TRIM2: variants seen among roughly 807,000 people sequenced by gnomAD.
TRIM2 encodes the protein tripartite motif containing 2, also known as tripartite motif-containing protein 2.
In TRIM2, 20 loss-of-function variants were observed where a neutral mutation model predicts 75.2. The ratio of observed to expected loss-of-function variants is 0.27; its 90% CI spans 0.19 to 0.39. TRIM2 has a LOEUF of 0.39. Ranked by LOEUF, TRIM2 falls within the 10% of genes least tolerant of loss-of-function variation. The pLI, the probability that TRIM2 is intolerant of heterozygous loss-of-function variation, is 1.00. For missense variants in TRIM2, 660 were observed against 990.8 expected (o/e 0.67, Z 4.48); for synonymous variants, 373 against 388.3 (o/e 0.96, Z 0.46).
intron 1 of TRIM2, among the ~76,000 whole-genome samples, chr4:153,247,847 G>A (rs1312846130): frequency 1.3e-5 from 2 of 151,960 alleles, no homozygotes; most frequent in Admixed American, 6.6e-5. Flanking sequence ...AATGCTTACT[G>A]AATCCTTAAA....
chr4:153,217,802 G>T (rs2149737290), intron 1 of TRIM2, among the ~76,000 whole-genome samples: 1 of 152,292 alleles, frequency 6.6e-6, no homozygotes, highest in East Asian at 1.9e-4. Flanking sequence ...CACAGTCATA[G>T]CCACAGGGGA....
chr4:153,254,044 C>A (rs751253849), intron 1 of TRIM2, among the ~76,000 whole-genome samples: 3 of 152,088 alleles, frequency 2.0e-5, no homozygotes, highest in Non-Finnish European at 4.4e-5. Context: ...GGATCGGGAC[C>A]GCTTTCCAGT....
At chr4:153,218,601 C>T (rs1034559748) in intron 1 of TRIM2, among the ~76,000 whole-genome samples, 2 of 152,116 alleles carry the variant, frequency 1.3e-5, no homozygotes, top group African/African-American at 4.8e-5. Flanking sequence ...ACATCCTTTC[C>T]ATCTTTTAGG....
At chr4:153,321,517 CT>C (rs997877950) in intron 8 of TRIM2, among the ~76,000 whole-genome samples, 4 of 152,160 alleles carry the variant, frequency 2.6e-5, no homozygotes, top group Admixed American at 1.3e-4. Flanking sequence ...AAATCAAATG[CT>C]TTTCCCCTAT....
chr4:153,155,612 G>A (rs75872464), intron 1 of TRIM2, among the ~76,000 whole-genome samples: 5,416 of 152,164 alleles, frequency 0.036, 139 homozygotes, highest in Middle Eastern at 0.062. Context: ...ACAAAATGGC[G>A]AAAAAGTAAA....
intron 1 of TRIM2, among the ~76,000 whole-genome samples, chr4:153,170,378 A>G (rs184430886): frequency 1.0e-3 from 154 of 152,252 alleles, no homozygotes; most frequent in African/African-American, 3.3e-3. Flanking sequence ...AACACTAGGA[A>G]TGGCATGTTT....
intron 1 of TRIM2, among the ~76,000 whole-genome samples, chr4:153,221,961 AGGGAGGAAGGG>A (rs1740417842): frequency 5.0e-5 from 1 of 19,870 alleles, no homozygotes; most frequent in Non-Finnish European, 7.7e-5. Flanking sequence ...GGAAGGAAAG[AGGGAGGAAGGG>A]AGGAAGGAAG....
intron 3 of TRIM2, among the ~76,000 whole-genome samples, chr4:153,286,042 A>G (rs28778274): frequency 0.18 from 27,591 of 152,032 alleles, 3,175 homozygotes; most frequent in African/African-American, 0.33. Flanking sequence ...TGGCATGAAA[A>G]GATATTGGAT....
intron 1 of TRIM2, chr4:153,222,916 C>A: frequency 6.6e-6 from 1 of 152,580 alleles, no homozygotes; most frequent in Non-Finnish European, 1.5e-5. Context: ...TGCCCGCTGC[C>A]TGATGTCGTG....
intron 1 of TRIM2, among the ~76,000 whole-genome samples, chr4:153,244,008 T>C (rs1171461281): frequency 6.6e-6 from 1 of 151,708 alleles, no homozygotes; most frequent in Non-Finnish European, 1.5e-5. Context: ...TTTGTAGAAA[T>C]GGGGTCTCCC....
chr4:153,309,042 T>C (rs972367684), intron 6 of TRIM2, among the ~76,000 whole-genome samples: 2 of 152,210 alleles, frequency 1.3e-5, no homozygotes, highest in African/African-American at 4.8e-5. Flanking sequence ...TATGCTGTGT[T>C]ATAGGGTGCA....
At chr4:153,309,057 T>C (rs1303211744) in intron 6 of TRIM2, among the ~76,000 whole-genome samples, 1 of 152,216 alleles carries the variant, frequency 6.6e-6, no homozygotes, top group Non-Finnish European at 1.5e-5. Flanking sequence ...GGTGCAATGG[T>C]GTACAGGACA....
At chr4:153,204,953 C>G (rs1426003634) in intron 1 of TRIM2, among the ~76,000 whole-genome samples, 1 of 152,206 alleles carries the variant, frequency 6.6e-6, no homozygotes, top group Non-Finnish European at 1.5e-5. Context: ...CGATGTAACT[C>G]AGTCGACCCC....
Position 153,251,073 on chromosome 4 carries a change from C to T in TRIM2, c.31-19262C>T, listed in dbSNP as rs564759580. ...AATTAATCTACTCCTATCCACATAA[C>T]CCCAATAGGTTAAGGCCAACTTGCA... On this transcript the variant is annotated intron_variant, in intron 1 of 11. Transcript: ENST00000338700. Among the ~76,000 whole-genome samples the T allele has an allele frequency of 3.8e-4, 58 of 152,328 alleles. No homozygotes were observed. In the South Asian group the frequency reaches 0.011, roughly 30 times the overall value.
intron 10 of TRIM2, among the ~76,000 whole-genome samples, chr4:153,324,795 T>G (rs1769798248): frequency 6.6e-6 from 1 of 152,346 alleles, no homozygotes. Context: ...TAGATCAGGC[T>G]TCTCAAGGTG....
At position 153,209,082 on chromosome 4, in the gene TRIM2, G is replaced by A. The variant is rs1579570265; in HGVS notation, c.30+4522G>A. On this transcript the variant is annotated intron_variant, in intron 1 of 11. Coordinates refer to ENST00000338700, the MANE Select transcript of TRIM2 (RefSeq NM_015271.5). Reference sequence around the variant, plus strand: ...GGAAAACTGAGGTCCAGCAGCCAAAGATCTAACACAGCGGAATCAGGAAAA... The same window carrying A: ...GGAAAACTGAGGTCCAGCAGCCAAAAATCTAACACAGCGGAATCAGGAAAA... Among the ~76,000 whole-genome samples, 3 of 152,206 alleles carry A rather than the reference G, an allele frequency of 2.0e-5. No homozygotes were observed. In the East Asian group the frequency reaches 5.8e-4, roughly 29 times the overall value.
At chr4:153,257,853 ATCTC>A in intron 1 of TRIM2, 1 of 340,018 alleles carries the variant, frequency 2.9e-6, no homozygotes, top group African/African-American at 2.2e-5. Flanking sequence ...TTCTCCCTTC[ATCTC>A]TCATGGTGAT....
rs151087488 is a variant in TRIM2 at position 153,204,745 on chromosome 4, A to G, written c.30+185A>G. Among the ~76,000 whole-genome samples the G allele has an allele frequency of 1.9e-3, 283 of 152,304 alleles. 1 individual carries two copies. Among genetic ancestry groups the G allele is most frequent in the Middle Eastern group, 0.01 (3 of 294 alleles). On this transcript the variant is annotated intron_variant, in intron 1 of 11. Coordinates refer to ENST00000338700, the MANE Select transcript of TRIM2 (RefSeq NM_015271.5). ...CACAGTGAGCTCTGTTAATCCAGGC[A>G]GGAAGGGAGTAAGGAAGCAAAAAAT...
At chr4:153,317,964 GA>G (rs1354309239) in intron 8 of TRIM2, among the ~76,000 whole-genome samples, 4 of 151,488 alleles carry the variant, frequency 2.6e-5, no homozygotes, top group African/African-American at 7.3e-5. Context: ...TGTCTCAAAA[GA>G]AAAAAAAGAC....
Sources: allele counts gnomAD v4.1 joint callset (sites outside exome capture counted in the v4.1 genomes callset), GRCh38; gene constraint gnomAD v4.1.1; transcripts MANE v1.5; gene names NCBI Gene and HGNC (gene_info 2026-07-23, HGNC 2026-07-21).